Variants in COA1 observed in about 807,000 individuals in gnomAD.
COA1 encodes the protein cytochrome c oxidase assembly factor 1 homolog.
A neutral mutation model predicts 16.0 loss-of-function variants in COA1; 13 were observed. The ratio of observed to expected loss-of-function variants is 0.81; its 90% CI spans 0.53 to 1.29. COA1 has a LOEUF of 1.29. Among genes scored for constraint, COA1 ranks in the 50% most tolerant of loss-of-function variants. The probability of loss-of-function intolerance (pLI) is 0.00; values close to 1 mark genes in which losing one functional copy is unlikely to be tolerated. For synonymous variants in COA1, 65 were observed against 65.7 expected (o/e 0.99, Z 0.05); for missense variants, 179 against 177.0 (o/e 1.01, Z -0.06).
At chr7:43,724,224 C>A (rs1189306916) in intron 1 of COA1, among the ~76,000 whole-genome samples, 1 of 152,014 alleles carries the variant, frequency 6.6e-6, no homozygotes. Flanking sequence ...CCCTACAATC[C>A]AGCAATTCCA....
At position 43,639,399 on chromosome 7, in the gene COA1, G is replaced by A. The variant is rs2086510555; in HGVS notation, c.*183C>T. On this transcript the variant is annotated 3_prime_UTR_variant, in exon 6 of 6. Coordinates refer to ENST00000223336, the MANE Select transcript of COA1 (RefSeq NM_018224.4). Reference sequence around the variant, plus strand: ...AGTTTAAAAATGACAAATAGCATTTGTTGTGCCCAAGTTAGAATTACACCA... The same window carrying A: ...AGTTTAAAAATGACAAATAGCATTTATTGTGCCCAAGTTAGAATTACACCA... The A allele has an allele frequency of 4.2e-6, 2 of 481,144 alleles. No individual in the cohort carries two copies. The highest frequency in any genetic ancestry group is 3.8e-6 in the Non-Finnish European group (1 of 265,748). 29.8% of individuals were successfully genotyped at this position (481,144 alleles called of 1,614,324 possible).
chr7:43,692,802 A>C (rs1182291517), intron 1 of COA1, among the ~76,000 whole-genome samples: 1 of 152,176 alleles, frequency 6.6e-6, no homozygotes, highest in East Asian at 1.9e-4. Context: ...AACTTTGTAA[A>C]GATGCCCCAC....
chr7:43,728,109 G>C (rs1026229567), intron 1 of COA1, among the ~76,000 whole-genome samples: 4 of 151,964 alleles, frequency 2.6e-5, no homozygotes, highest in Non-Finnish European at 5.9e-5. Context: ...CAAGTAGCTG[G>C]GACTACAGGC....
intron 1 of COA1, among the ~76,000 whole-genome samples, chr7:43,716,224 C>T (rs970793520): frequency 1.3e-5 from 2 of 152,054 alleles, no homozygotes; most frequent in African/African-American, 4.8e-5. Flanking sequence ...GAGGTTGGAA[C>T]AGTTTGGAGG....
rs2086807467 is a variant in COA1, at chr7:43,640,619, CT to C, written c.294del (p.Glu99ArgfsTer24). ...GATGAGTGGACGTAGAGAAGGCCCTCTGATTTGGATCCAGAGACAGGAATCT... is the reference window on the plus strand; with the variant it reads ...GATGAGTGGACGTAGAGAAGGCCCTCGATTTGGATCCAGAGACAGGAATCT... ...KLKIPVSGSK[S>X]EGLLYVHSSR... is the part of the protein sequence containing the mutation. On this transcript the variant is annotated frameshift_variant, in exon 5 of 6. Coordinates refer to ENST00000223336, the MANE Select transcript of COA1 (RefSeq NM_018224.4). LOFTEE classifies it low-confidence loss of function (END_TRUNC). 5.6e-6 allele frequency: 9 copies of C among 1,608,088 alleles called. No homozygotes were observed. The highest frequency in any genetic ancestry group is 7.6e-6 in the Non-Finnish European group (9 of 1,177,734).
chr7:43,614,081 A>T (rs116251114), intron 6 of COA1, among the ~76,000 whole-genome samples: 2,154 of 152,248 alleles, frequency 0.014, 52 homozygotes, highest in African/African-American at 0.049. Flanking sequence ...GTCTGATAAA[A>T]TGTTCCTTAA....
At chr7:43,707,597 A>G (rs2095043288) in intron 1 of COA1, among the ~76,000 whole-genome samples, 1 of 152,172 alleles carries the variant, frequency 6.6e-6, no homozygotes, top group Non-Finnish European at 1.5e-5. Context: ...TCTGATTTTA[A>G]AATCTATTTA....
chr7:43,668,275 C>T (rs2093016659), intron 1 of COA1, among the ~76,000 whole-genome samples: 1 of 152,206 alleles, frequency 6.6e-6, no homozygotes, highest in Non-Finnish European at 1.5e-5. Flanking sequence ...GATCACCCAA[C>T]TCACAGGTAT....
chr7:43,677,239 G>A (rs1463567945), intron 1 of COA1, among the ~76,000 whole-genome samples: 1 of 152,122 alleles, frequency 6.6e-6, no homozygotes, highest in African/African-American at 2.4e-5. Flanking sequence ...TAAAGAAACT[G>A]TGGAGTCTTT....
At chr7:43,726,359 A>G (rs765784146) in intron 1 of COA1, among the ~76,000 whole-genome samples, 8 of 152,230 alleles carry the variant, frequency 5.3e-5, no homozygotes, top group Non-Finnish European at 1.2e-4. Context: ...TTAAAGAACA[A>G]TATCCTAAAC....
chr7:43,678,052 G>C (rs1285518340), intron 1 of COA1, among the ~76,000 whole-genome samples: 2 of 152,160 alleles, frequency 1.3e-5, no homozygotes, highest in Admixed American at 6.5e-5. Flanking sequence ...GGTAGCACAT[G>C]TGTTCTCATC....
chr7:43,699,950 T>C (rs1187076206), intron 1 of COA1, among the ~76,000 whole-genome samples: 1 of 152,118 alleles, frequency 6.6e-6, no homozygotes, highest in Non-Finnish European at 1.5e-5. Context: ...TAAGTATACA[T>C]ATATCTTTAT....
At chr7:43,701,528 G>T (rs1563418648) in intron 1 of COA1, among the ~76,000 whole-genome samples, 2 of 152,172 alleles carry the variant, frequency 1.3e-5, no homozygotes, top group Admixed American at 1.3e-4. Context: ...ATGGGCACCT[G>T]GGTGCCCATA....
chr7:43,636,322 C>T (rs535064669), downstream of COA1, among the ~76,000 whole-genome samples: 8 of 150,944 alleles, frequency 5.3e-5, no homozygotes, highest in Non-Finnish European at 1.2e-4. Flanking sequence ...ATCAATCACC[C>T]TCCCACCTCT....
intron 1 of COA1, among the ~76,000 whole-genome samples, chr7:43,704,931 C>G (rs1242881261): frequency 1.3e-5 from 2 of 152,144 alleles, no homozygotes; most frequent in East Asian, 3.9e-4. Flanking sequence ...CCTGTGTGGG[C>G]TGATATCCTG....
chr7:43,714,728 G>C (rs13237420), intron 1 of COA1, among the ~76,000 whole-genome samples: 22,361 of 150,426 alleles, frequency 0.15, 2,201 homozygotes, highest in Non-Finnish European at 0.22. Context: ...AAACAATAGG[G>C]TGGGCACAGT....
At chr7:43,671,061 A>C (rs539906901) in intron 1 of COA1, among the ~76,000 whole-genome samples, 272 of 152,354 alleles carry the variant, frequency 1.8e-3, no homozygotes, top group African/African-American at 6.1e-3. Context: ...TGATGCTGAG[A>C]CAACTGGATA....
At chr7:43,626,532 T>C (rs1191641762) in intron 6 of COA1, 1 of 152,220 alleles carries the variant, frequency 6.6e-6, no homozygotes, top group Non-Finnish European at 1.5e-5. Context: ...GAAGAAATTG[T>C]GCCACAGTGA....
chr7:43,643,613 C>T lies in COA1; in HGVS notation c.264+1638G>A, dbSNP rs904902509. ...ACTGGACCATCACCTCTGACCCACC[C>T]GCTCCTGATACATGACTGTTACCAA... is the stretch of plus-strand genomic sequence containing the variant. On this transcript the variant is annotated intron_variant, in intron 4 of 5. Coordinates refer to ENST00000223336, the MANE Select transcript of COA1 (RefSeq NM_018224.4). Among the ~76,000 whole-genome samples the T allele has an allele frequency of 3.3e-5, 5 of 152,316 alleles. No homozygotes were observed. The South Asian group carries it at 6.2e-4, about 19-fold the overall frequency.
Sources: allele counts gnomAD v4.1 joint callset (sites outside exome capture counted in the v4.1 genomes callset), GRCh38; gene constraint gnomAD v4.1.1; transcripts MANE v1.5; gene names NCBI Gene and HGNC (gene_info 2026-07-23, HGNC 2026-07-21).